The following ATG4B variants were observed in gnomAD, a reference collection of about 807,000 sequenced individuals.
ATG4B encodes the protein cysteine protease ATG4B.
ATG4B carries 29 observed loss-of-function variants against 56.6 expected under a neutral mutation model. The ratio of observed to expected loss-of-function variants is 0.51; its 90% CI spans 0.38 to 0.70. The LOEUF is 0.70. Among genes scored for constraint, ATG4B ranks in the 30% least tolerant of loss-of-function variants. The pLI, the probability that ATG4B is intolerant of heterozygous loss-of-function variation, is 0.00. For synonymous variants in ATG4B, 224 were observed against 206.1 expected, an observed-to-expected ratio of 1.09 and a Z score of -0.74; for missense variants, 461 against 515.5, an observed-to-expected ratio of 0.89 and a Z score of 1.02.
At chr2:241,660,992 T>C (rs2068573893) in intron 7 of ATG4B, among the ~76,000 whole-genome samples, 1 of 152,164 alleles carries the variant, frequency 6.6e-6, no homozygotes, top group Non-Finnish European at 1.5e-5. Context: ...CAGGTAGCAC[T>C]GGTGGGAGTG....
chr2:241,658,347 T>C (rs2068478298), intron 6 of ATG4B, among the ~76,000 whole-genome samples: 1 of 152,096 alleles, frequency 6.6e-6, no homozygotes, highest in Admixed American at 6.6e-5. Flanking sequence ...GTCCTCCCAG[T>C]GTCCCCCCTG....
chr2:241,667,416 C>CA (rs2068812337), intron 8 of ATG4B, among the ~76,000 whole-genome samples: 1 of 151,814 alleles, frequency 6.6e-6, no homozygotes, highest in Non-Finnish European at 1.5e-5. Flanking sequence ...CCAGCCTGGC[C>CA]AACATGGTGA....
In ATG4B at chr2:241,668,246, C is replaced by T. The variant is rs1575090225; in HGVS notation, c.811+25C>T. 6.4e-7 allele frequency: 1 copy of T among 1,572,926 alleles called. No homozygotes were observed. Among genetic ancestry groups the T allele is most frequent in the Non-Finnish European group, 8.6e-7 (1 of 1,159,384 alleles). On this transcript the variant is annotated intron_variant, in intron 9 of 12. Transcript: ENST00000404914. The surrounding 1 kb of genome is among the most constrained non-coding windows in gnomAD (Gnocchi z 4.2). ...GGTGAGTCCAGGGTTCCCACCGTGT[C>T]CCTGTGGGCCTGGGCCTTTTAAGGG... is the stretch of plus-strand genomic sequence containing the variant.
intron 6 of ATG4B, among the ~76,000 whole-genome samples, chr2:241,656,583 C>T (rs2068411980): frequency 1.3e-5 from 2 of 152,248 alleles, no homozygotes; most frequent in South Asian, 4.1e-4. Flanking sequence ...CCAGCCCCCG[C>T]CCCTGTTGCT....
intron 6 of ATG4B, among the ~76,000 whole-genome samples, chr2:241,656,939 G>C (rs890583012): frequency 6.6e-6 from 1 of 152,206 alleles, no homozygotes; most frequent in Non-Finnish European, 1.5e-5. Context: ...GGGATTACAG[G>C]CGTGAGCCAC....
At chr2:241,665,755 C>T (rs895230262) in intron 7 of ATG4B, among the ~76,000 whole-genome samples, 2 of 152,224 alleles carry the variant, frequency 1.3e-5, no homozygotes, top group African/African-American at 2.4e-5. Flanking sequence ...TGTGTGACTC[C>T]TGCCTGATAA....
At chr2:241,659,009 C>T (rs1166213744) in intron 6 of ATG4B, 99 bp from the exon 7 acceptor site, 3 of 832,332 alleles carry the variant, frequency 3.6e-6, no homozygotes, top group Non-Finnish European at 1.8e-6. Flanking sequence ...ATCCGAGAAG[C>T]ACCTCTAACG....
intron 1 of ATG4B, among the ~76,000 whole-genome samples, chr2:241,644,904 G>A (rs1271056235): frequency 2.0e-5 from 3 of 151,318 alleles, no homozygotes; most frequent in African/African-American, 7.3e-5. Context: ...AGCCGAGATC[G>A]TGCCATTGCA....
At chr2:241,641,161 A>G in intron 1 of ATG4B, among the ~76,000 whole-genome samples, 1 of 152,208 alleles carries the variant, frequency 6.6e-6, no homozygotes, top group South Asian at 2.1e-4. Flanking sequence ...AGGTTGAGAC[A>G]ATAGAATTTG....
chr2:241,648,765 G>T (rs187840886), intron 1 of ATG4B, among the ~76,000 whole-genome samples: 11 of 152,292 alleles, frequency 7.2e-5, no homozygotes, highest in African/African-American at 2.6e-4. Flanking sequence ...CCACAGCTGA[G>T]AATCCTTTAA....
intron 1 of ATG4B, 133 bp downstream of exon 1, chr2:241,637,857 GCGCTGCGGGAGCGC>G: frequency 9.1e-7 from 1 of 1,098,256 alleles, no homozygotes. Context: ...GGGGCGGCGG[GCGCTGCGGGAGCGC>G]GGGGCGGTGT....
intron 10 of ATG4B, among the ~76,000 whole-genome samples, chr2:241,669,213 T>C (rs2068879809): frequency 1.3e-5 from 2 of 152,290 alleles, no homozygotes; most frequent in South Asian, 4.1e-4. Context: ...ATTTTTGGTG[T>C]GTGATTTATG....
At position 241,656,472 on chromosome 2, in the gene ATG4B, C is replaced by A. The variant is rs552639334; in HGVS notation, c.458+1129C>A. The stretch of plus-strand genomic sequence containing the variant: ...CACCCTTCCACTCACACTTCTCTTG[C>A]TGCTGCCTGGAGTGGCCCCACCAAG... On this transcript the variant is annotated intron_variant, in intron 6 of 12. Coordinates refer to ENST00000404914, the MANE Select transcript of ATG4B (RefSeq NM_013325.5). 2.3e-3 allele frequency among the ~76,000 whole-genome samples: 352 copies of A among 152,306 alleles called. 7 individuals carry two copies. The highest frequency in any genetic ancestry group is 0.021 in the Admixed American group (323 of 15,306).
intron 1 of ATG4B, among the ~76,000 whole-genome samples, chr2:241,645,145 C>T (rs973700569): frequency 1.3e-5 from 2 of 152,072 alleles, no homozygotes; most frequent in African/African-American, 2.4e-5. Flanking sequence ...GAGGGCCTGC[C>T]GAGGGCATTC....
At chr2:241,647,493 C>T (rs1005993763) in intron 1 of ATG4B, among the ~76,000 whole-genome samples, 7 of 151,468 alleles carry the variant, frequency 4.6e-5, no homozygotes, top group African/African-American at 1.2e-4. Context: ...TGGTGGCGGG[C>T]GCTTGTAGTC....
chr2:241,673,755 C>G lies in ATG4B; in HGVS notation c.*1491C>G, dbSNP rs1394500008. 3 of 454,934 alleles carry G rather than the reference C, an allele frequency of 6.6e-6. No individual in the cohort carries two copies. Among genetic ancestry groups the G allele is most frequent in the South Asian group, 4.7e-5 (3 of 64,488 alleles). The allele number at this position is 454,934 out of a possible 1,614,324, so 28.2% of individuals were successfully genotyped here. A position where few individuals can be genotyped will look rare whatever the true frequency, so the allele number is the denominator to read the frequency against. The stretch of plus-strand genomic sequence containing the variant: ...CACCTTGACCAAAGGGGAGCTTTGT[C>G]TCGTGTGTTTTGAAAAAGGCTTAAT... On this transcript the variant is annotated 3_prime_UTR_variant, in exon 13 of 13. Coordinates refer to ENST00000404914, the MANE Select transcript of ATG4B (RefSeq NM_013325.5).
Position 241,668,740 on chromosome 2 carries a change from A to G in ATG4B, c.957+55A>G. The G allele has an allele frequency of 1.3e-6, 2 of 1,520,454 alleles. No homozygotes were observed. The highest frequency in any genetic ancestry group is 1.8e-6 in the Non-Finnish European group (2 of 1,141,380). 94.2% of individuals were successfully genotyped at this position (1,520,454 alleles called of 1,614,324 possible). On this transcript the variant is annotated intron_variant, in intron 10 of 12. Coordinates refer to ENST00000404914, the MANE Select transcript of ATG4B (RefSeq NM_013325.5). This position sits in a 1 kb window ranked among gnomAD's most constrained non-coding sequence, Gnocchi z 4.2. ...ATTTGGTGCTGAATGCTGTTTGGGA[A>G]TGACGAGGAAAACTTTCGGATTTTT... is the stretch of plus-strand genomic sequence containing the variant.
intron 1 of ATG4B, 67 bp downstream of exon 1, chr2:241,637,791 C>G (rs1411601468): frequency 2.5e-5 from 35 of 1,426,390 alleles, no homozygotes; most frequent in Admixed American, 1.0e-4. Context: ...CTCCCCTGCT[C>G]GGGTCGGGCT....
intron 1 of ATG4B, among the ~76,000 whole-genome samples, chr2:241,641,260 G>C (rs1371103035): frequency 2.6e-5 from 4 of 152,242 alleles, no homozygotes. Context: ...AAGCAACTCA[G>C]ATGGAGGGGG....
Sources: allele counts gnomAD v4.1 joint callset (sites outside exome capture counted in the v4.1 genomes callset), GRCh38; gene constraint gnomAD v4.1.1; non-coding constraint Gnocchi (gnomAD v3.1); transcripts MANE v1.5; gene names NCBI Gene and HGNC (gene_info 2026-07-23, HGNC 2026-07-21).